The following DDX60L variants were observed in gnomAD, a reference collection of about 807,000 sequenced individuals.
DDX60L encodes probable ATP-dependent RNA helicase DDX60-like.
Under a neutral mutation model 211.6 loss-of-function variants are expected in DDX60L, and 191 were observed. The observed-to-expected ratio is 0.90, with a 90% CI of 0.80 to 1.02. The LOEUF is 1.02. DDX60L is among the 50% of genes least tolerant of loss of function. DDX60L has a pLI of 0.00. For synonymous variants in DDX60L, 706 were observed against 694.1 expected (o/e 1.02, Z -0.27); for missense variants, 2,007 against 1,984.1 (o/e 1.01, Z -0.22).
intron 33 of DDX60L, among the ~76,000 whole-genome samples, chr4:168,377,323 TAA>T (rs1742142288): frequency 1.6e-5 from 1 of 64,312 alleles, no homozygotes; most frequent in African/African-American, 7.9e-5. Flanking sequence ...AATAAATAAA[TAA>T]ATAAATAAAT....
chr4:168,358,788 G>T (rs1374376174), intron 37 of DDX60L, among the ~76,000 whole-genome samples: 1 of 151,990 alleles, frequency 6.6e-6, no homozygotes, highest in Non-Finnish European at 1.5e-5. Context: ...AAAGTGCTGG[G>T]ATTACAGGCG....
At chr4:168,365,048 A>G (rs1405138469) in intron 36 of DDX60L, among the ~76,000 whole-genome samples, 1 of 152,198 alleles carries the variant, frequency 6.6e-6, no homozygotes, top group Non-Finnish European at 1.5e-5. Context: ...AATGGAATTT[A>G]TAGCAATAAA....
chr4:168,461,670 GA>G (rs199864270), intron 5 of DDX60L, 28 bp downstream of exon 5: 2 of 1,328,714 alleles, frequency 1.5e-6, no homozygotes, highest in Non-Finnish European at 2.0e-6. Flanking sequence ...AAGAAATCAG[GA>G]AAAAAATGAG....
At position 168,406,093 on chromosome 4, in the gene DDX60L, T is replaced by C. The variant is rs747547451; in HGVS notation, c.3085-15A>G. ...GGACACAATTCCTTGGGGGGAAAAT[T>C]ATCACAAAATTAAGCTAAGCTATGC... On this transcript the variant is annotated splice_polypyrimidine_tract_variant and intron_variant, in intron 23 of 37. Coordinates refer to ENST00000682922, the MANE Select transcript of DDX60L (RefSeq NM_001012967.3). The C allele has an allele frequency of 5.1e-6, 8 of 1,583,788 alleles. No homozygotes were observed. Among genetic ancestry groups the C allele is most frequent in the Middle Eastern group, 1.7e-4 (1 of 5,802 alleles).
At chr4:168,386,780 G>A (rs1400734517) in intron 29 of DDX60L, among the ~76,000 whole-genome samples, 2 of 152,050 alleles carry the variant, frequency 1.3e-5, no homozygotes, top group African/African-American at 2.4e-5. Flanking sequence ...CAACCCATGC[G>A]AAACAATGAC....
Position 168,465,458 on chromosome 4 carries a change from G to A in DDX60L, c.265-3418C>T, listed in dbSNP as rs79351256. Among the ~76,000 whole-genome samples the A allele has an allele frequency of 1.9e-3, 286 of 152,052 alleles. 2 individuals are homozygous for A. The highest frequency in any genetic ancestry group is 2.7e-3 in the Admixed American group (41 of 15,276). ...CATTCTGAAGGTGTCTCTTTACTCT[G>A]TTGATTATTTCCTTTCCTGTGCGGA... On this transcript the variant is annotated intron_variant, in intron 4 of 37. Transcript: ENST00000682922.
chr4:168,366,890 C>T (rs747931994), intron 36 of DDX60L, among the ~76,000 whole-genome samples: 28 of 151,726 alleles, frequency 1.8e-4, no homozygotes, highest in Non-Finnish European at 3.1e-4. Context: ...CAAGAACACA[C>T]ACGAGGGAAA....
At position 168,384,750 on chromosome 4, in the gene DDX60L, G is replaced by A; in HGVS notation, c.3978C>T (p.Ile1326=). Reference sequence around the variant, plus strand: ...GGAGTCTTTTTATTTTGGGCAATGGGATATCAAAGAAATACACATTTCCAA... The same window carrying A: ...GGAGTCTTTTTATTTTGGGCAATGGAATATCAAAGAAATACACATTTCCAA... ...DLLGNVYFFD[I]PLPKIKRLLA... Residue 1326 remains isoleucine, a synonymous_variant, in exon 30 of 38, where the codon ATC becomes ATT. Transcript: ENST00000682922. 6.2e-7 allele frequency: 1 copy of A among 1,613,702 alleles called. No individual in the cohort carries two copies.
In DDX60L at chr4:168,375,379, AT is replaced by A; in HGVS notation, c.4630del (p.Ile1544SerfsTer17). Reference sequence around the variant, plus strand: ...GAATGGAACTAAAATCTGCTTACTGATTCTTGACAAAGGGAGTTGATGCTCT... The same window carrying A: ...GAATGGAACTAAAATCTGCTTACTGATCTTGACAAAGGGAGTTGATGCTCT... ...KKEHQLPLSRIKFTGKECEDS... is the reference protein window; with the variant it reads ...KKEHQLPLSRXKFTGKECEDS... On this transcript the variant is annotated frameshift_variant, in exon 34 of 38. Transcript: ENST00000682922. LOFTEE classifies it high-confidence loss of function. 6.2e-7 allele frequency: 1 copy of A among 1,611,586 alleles called. No individual in the cohort carries two copies. The highest frequency in any genetic ancestry group is 2.2e-5 in the East Asian group (1 of 44,790).
chr4:168,456,917 A>T (rs943124680), intron 6 of DDX60L, among the ~76,000 whole-genome samples: 1 of 152,168 alleles, frequency 6.6e-6, no homozygotes, highest in African/African-American at 2.4e-5. Flanking sequence ...GTACACTAAA[A>T]ATATATATAC....
rs567386687 is a variant in DDX60L at position 168,383,242 on chromosome 4, A to G, written c.4116+1370T>C. Among the ~76,000 whole-genome samples, 26 of 152,342 alleles carry G rather than the reference A, an allele frequency of 1.7e-4. No homozygotes were observed. In the South Asian group the frequency reaches 5.2e-3, roughly 30 times the overall value. ...TTCTGTCCTGAAGAAACATATAATA[A>G]TCAAGAAAATGCAAAGCATTAAAAG... On this transcript the variant is annotated intron_variant, in intron 30 of 37. Transcript: ENST00000682922.
chr4:168,411,140 C>A (rs1414341592), intron 22 of DDX60L, among the ~76,000 whole-genome samples: 1 of 152,070 alleles, frequency 6.6e-6, no homozygotes, highest in Non-Finnish European at 1.5e-5. Context: ...GTCCGTGTAC[C>A]TGAGGTTAAG....
rs1239901270 is a variant in DDX60L at position 168,373,937 on chromosome 4, T to C, written c.4634-129A>G. The C allele has an allele frequency of 1.3e-4, 115 of 888,010 alleles. No individual in the cohort carries two copies. In the East Asian group the frequency reaches 2.7e-3, roughly 21 times the overall value. The allele number at this position is 888,010 out of a possible 1,614,324, so 55.0% of individuals were successfully genotyped here. ...ATCAGAATGAAAACTGATTGAGATATGGTGCATAAAGTCATTAACACAGCT... is the reference window on the plus strand; with the variant it reads ...ATCAGAATGAAAACTGATTGAGATACGGTGCATAAAGTCATTAACACAGCT... On this transcript the variant is annotated intron_variant, in intron 34 of 37. Transcript: ENST00000682922.
intron 33 of DDX60L, among the ~76,000 whole-genome samples, chr4:168,376,357 A>T (rs1741947763): frequency 6.6e-6 from 1 of 152,238 alleles, no homozygotes; most frequent in Admixed American, 6.5e-5. Context: ...AGAGACTAAA[A>T]TGGGGCACAA....
Position 168,384,779 on chromosome 4 carries a change from G to T in DDX60L, c.3949C>A (p.Leu1317Met). Residue 1317 changes from leucine to methionine, a missense_variant, in exon 30 of 38, where the codon CTG becomes ATG. Transcript: ENST00000682922. The stretch of plus-strand genomic sequence containing the variant: ...TCAAAGAAATACACATTTCCAAGCA[G>T]GTCTTGACCTCTTCTTCCAGCACGA... ...SGRAGRRGQD[L>M]LGNVYFFDIP... 2 of 1,613,522 alleles carry T rather than the reference G, an allele frequency of 1.2e-6. No individual in the cohort carries two copies. The highest frequency in any genetic ancestry group is 1.7e-6 in the Non-Finnish European group (2 of 1,179,752).
intron 5 of DDX60L, among the ~76,000 whole-genome samples, chr4:168,461,418 G>A (rs746513065): frequency 9.9e-5 from 15 of 152,156 alleles, no homozygotes; most frequent in Non-Finnish European, 2.9e-5. Context: ...TTCTTTTACA[G>A]ATGAGGTGAC....
intron 36 of DDX60L, among the ~76,000 whole-genome samples, chr4:168,370,451 A>G (rs1299482693): frequency 6.6e-6 from 1 of 152,208 alleles, no homozygotes; most frequent in Admixed American, 6.5e-5. Context: ...GAAGGTGGGC[A>G]GAGGTTGATC....
intron 1 of DDX60L, among the ~76,000 whole-genome samples, chr4:168,479,688 G>A (rs1760126468): frequency 6.6e-6 from 1 of 152,128 alleles, no homozygotes; most frequent in South Asian, 2.1e-4. Flanking sequence ...CTTAAATCCG[G>A]CCGGGCGCGG....
chr4:168,358,524 C>CTTTTTTTTTTTTTTTTTTTTTT (rs70961514), intron 37 of DDX60L, among the ~76,000 whole-genome samples: 6 of 108,306 alleles, frequency 5.5e-5, no homozygotes, highest in Non-Finnish European at 1.1e-4. Flanking sequence ...TTTTCTTTTT[C>CTTTTTTTTTTTTTTTTTTTTTT]TTTTTTTTTT....
Sources: allele counts gnomAD v4.1 joint callset (sites outside exome capture counted in the v4.1 genomes callset), GRCh38; gene constraint gnomAD v4.1.1; transcripts MANE v1.5; gene names NCBI Gene and HGNC (gene_info 2026-07-23, HGNC 2026-07-21).